ELP4: variants seen among roughly 807,000 people sequenced by gnomAD.
ELP4 encodes the protein elongator acetyltransferase complex subunit 4.
A neutral mutation model predicts 48.9 loss-of-function variants in ELP4; 51 were observed. The observed-to-expected ratio is 1.04, with a 90% CI of 0.83 to 1.32. ELP4 has a LOEUF of 1.32. ELP4 is among the 40% of genes most tolerant of loss of function. The pLI is 0.00. For missense variants in ELP4, 519 were observed against 514.6 expected (o/e 1.01, Z -0.08); for synonymous variants, 210 against 189.2 (o/e 1.11, Z -0.90).
chr11:31,644,681 T>A (rs891575283), intron 7 of ELP4, among the ~76,000 whole-genome samples: 3 of 151,856 alleles, frequency 2.0e-5, no homozygotes, highest in Non-Finnish European at 2.9e-5. Context: ...AAAGACCATT[T>A]AGTATTAATA....
chr11:31,788,632 C>G lies in ELP4; in HGVS notation c.*5108C>G, dbSNP rs1247862442. The G allele has an allele frequency of 9.1e-6, 2 of 218,998 alleles. No homozygotes were observed. The highest frequency in any genetic ancestry group is 1.8e-5 in the Non-Finnish European group (2 of 108,972). 13.6% of individuals were successfully genotyped at this position (218,998 alleles called of 1,614,324 possible). A position where few individuals can be genotyped will look rare whatever the true frequency, so the allele number is the denominator to read the frequency against. ...ATTCAAAAAACAATTCCTAGCTAAT[C>G]GCTTGTTGCATTTTTAAATTATTTC... On this transcript the variant is annotated 3_prime_UTR_variant, in exon 10 of 10. Coordinates refer to ENST00000640961, the MANE Select transcript of ELP4 (RefSeq NM_019040.5).
chr11:31,645,019 A>C (rs1207281625), intron 7 of ELP4, among the ~76,000 whole-genome samples: 1 of 151,782 alleles, frequency 6.6e-6, no homozygotes, highest in Non-Finnish European at 1.5e-5. Context: ...TTATACAAAT[A>C]ATTTTGCAAA....
At chr11:31,655,742 TACATG>T (rs1945419496) in intron 9 of ELP4, among the ~76,000 whole-genome samples, 1 of 152,080 alleles carries the variant, frequency 6.6e-6, no homozygotes, top group South Asian at 2.1e-4. Context: ...CAAAGATGGC[TACATG>T]ACTAGACACA....
chr11:31,533,249 A>G (rs1956430006), intron 2 of ELP4, among the ~76,000 whole-genome samples: 2 of 151,568 alleles, frequency 1.3e-5, no homozygotes, highest in Admixed American at 1.3e-4. Context: ...CTGTATGTCC[A>G]TGTAGCTGTT....
intron 9 of ELP4, among the ~76,000 whole-genome samples, chr11:31,688,318 A>G (rs575731660): frequency 1.3e-5 from 2 of 152,110 alleles, no homozygotes; most frequent in Non-Finnish European, 2.9e-5. Context: ...CTCCATCCTC[A>G]CCCCTGGGAG....
intron 4 of ELP4, among the ~76,000 whole-genome samples, chr11:31,601,844 C>A (rs1957790607): frequency 6.6e-6 from 1 of 152,028 alleles, no homozygotes; most frequent in Non-Finnish European, 1.5e-5. Context: ...TACATTGAGG[C>A]CTTTTCAGAG....
chr11:31,681,741 C>CG (rs1554970041), intron 9 of ELP4: 1 of 141,946 alleles, frequency 7.0e-6, no homozygotes, highest in African/African-American at 2.7e-5. Context: ...TATTTCTTTC[C>CG]TTTTTTTTTT....
intron 9 of ELP4, among the ~76,000 whole-genome samples, chr11:31,690,223 G>A (rs1946248245): frequency 6.6e-6 from 1 of 152,114 alleles, no homozygotes. Context: ...AAGCCCATCT[G>A]TTTCCACCTC....
In ELP4 at chr11:31,667,898, A is replaced by G. The variant is rs185641395; in HGVS notation, c.1143+17677A>G. ...AAATCTATGATCCATTCATCTTATC[A>G]TACTCCGTTACTCCTCCCAACTAAT... On this transcript the variant is annotated intron_variant, in intron 9 of 9. Transcript: ENST00000640961. Among the ~76,000 whole-genome samples, 869 of 152,304 alleles carry G rather than the reference A, an allele frequency of 5.7e-3. 4 individuals are homozygous for G. Among genetic ancestry groups the G allele is most frequent in the Non-Finnish European group, 0.01 (702 of 68,008 alleles).
chr11:31,587,995 T>A (rs1025815898), intron 3 of ELP4, among the ~76,000 whole-genome samples: 3 of 152,172 alleles, frequency 2.0e-5, no homozygotes, highest in Non-Finnish European at 4.4e-5. Flanking sequence ...TCTTCAACTA[T>A]AATGCAAAAT....
chr11:31,592,783 G>A (rs1957604797), intron 3 of ELP4, among the ~76,000 whole-genome samples: 1 of 151,830 alleles, frequency 6.6e-6, no homozygotes, highest in Non-Finnish European at 1.5e-5. Flanking sequence ...CTTAAATGAG[G>A]AAATGCTTAC....
In ELP4 at chr11:31,509,817, C is replaced by A. The variant is rs1215733651; in HGVS notation, c.33C>A (p.Ala11=). The A allele has an allele frequency of 6.2e-7, 1 of 1,614,120 alleles. No individual in the cohort carries two copies. Among genetic ancestry groups the A allele is most frequent in the Admixed American group, 1.7e-5 (1 of 60,030 alleles). The change falls in exon 1 of 10, where the codon GCC becomes GCA. Residue 11 remains alanine, a synonymous_variant. Transcript: ENST00000640961. ...CAGTGGCAACCTGCGGTAGTGTTGCCGCGAGTACTGGGTCTGCAGTGGCGA... is the reference window on the plus strand; with the variant it reads ...CAGTGGCAACCTGCGGTAGTGTTGCAGCGAGTACTGGGTCTGCAGTGGCGA... MAAVATCGSV[A]ASTGSAVATA...
intron 9 of ELP4, among the ~76,000 whole-genome samples, chr11:31,716,511 G>GAGT (rs1200284344): frequency 6.6e-6 from 1 of 152,160 alleles, no homozygotes; most frequent in Non-Finnish European, 1.5e-5. Flanking sequence ...GTGCTTAGAA[G>GAGT]AGTATCTGGC....
Position 31,529,601 on chromosome 11 carries a change from A to G in ELP4, c.259+9510A>G, listed in dbSNP as rs548021770. Among the ~76,000 whole-genome samples the G allele has an allele frequency of 9.2e-5, 14 of 152,324 alleles. No individual in the cohort carries two copies. The South Asian group carries it at 2.9e-3, about 32-fold the overall frequency. ...GCAAGCCCATCAAATTAAATAGTGC[A>G]GGAAGAGAGTTATTGGGAAAGCCTG... On this transcript the variant is annotated intron_variant, in intron 2 of 9. Transcript: ENST00000640961.
intron 5 of ELP4, among the ~76,000 whole-genome samples, chr11:31,609,276 G>C (rs1024658921): frequency 4.6e-5 from 7 of 152,102 alleles, no homozygotes; most frequent in Non-Finnish European, 1.0e-4. Context: ...CGATCTCGTT[G>C]GGCTTTATTT....
At chr11:31,765,228 T>C (rs960854485) in intron 9 of ELP4, among the ~76,000 whole-genome samples, 2 of 152,226 alleles carry the variant, frequency 1.3e-5, no homozygotes, top group African/African-American at 4.8e-5. Context: ...TTCTAAAATT[T>C]AACTGTTAAA....
At chr11:31,618,039 A>G (rs1211559406) in intron 5 of ELP4, among the ~76,000 whole-genome samples, 1 of 152,114 alleles carries the variant, frequency 6.6e-6, no homozygotes, top group African/African-American at 2.4e-5. Context: ...AAATGTTCAT[A>G]ACAGCATTAT....
chr11:31,510,618 A>G (rs1181256687), intron 1 of ELP4: 19 of 378,334 alleles, frequency 5.0e-5, no homozygotes, highest in South Asian at 2.9e-4. Context: ...ATCTGTGTAT[A>G]TATTTTTTAT....
intron 9 of ELP4, among the ~76,000 whole-genome samples, chr11:31,685,284 G>C (rs1946137497): frequency 1.3e-5 from 2 of 152,130 alleles, no homozygotes; most frequent in Non-Finnish European, 2.9e-5. Flanking sequence ...CTGGGAGGCT[G>C]AGGTTGCAGT....
Sources: allele counts gnomAD v4.1 joint callset (sites outside exome capture counted in the v4.1 genomes callset), GRCh38; gene constraint gnomAD v4.1.1; transcripts MANE v1.5; gene names NCBI Gene and HGNC (gene_info 2026-07-23, HGNC 2026-07-21).